Variants in ZNF420 observed in about 807,000 individuals in gnomAD.
ZNF420 encodes ATM and p53-associated KZNF protein.
A neutral mutation model predicts 44.7 loss-of-function variants in ZNF420; 31 were observed. That is an observed-to-expected ratio of 0.69 (90% confidence interval 0.52 to 0.94). The LOEUF (loss-of-function observed/expected upper bound fraction) is 0.94. Among genes scored for constraint, ZNF420 ranks in the 40% least tolerant of loss-of-function variants. The probability of loss-of-function intolerance (pLI) is 0.00; values close to 1 mark genes in which losing one functional copy is unlikely to be tolerated. For synonymous variants in ZNF420, 245 were observed against 267.4 expected (o/e 0.92, Z 0.82); for missense variants, 681 against 827.9 (o/e 0.82, Z 2.18).
upstream of ZNF420, among the ~76,000 whole-genome samples, chr19:37,075,697 GCA>G (rs1555753755): frequency 3.3e-5 from 5 of 151,996 alleles, no homozygotes; most frequent in Non-Finnish European, 7.4e-5. Flanking sequence ...AGCTGAGAGC[GCA>G]CCACTGCACT....
At chr19:37,054,510 A>T (rs369189940) in intron 1 of ZNF420, among the ~76,000 whole-genome samples, 1 of 152,134 alleles carries the variant, frequency 6.6e-6, no homozygotes, top group East Asian at 1.9e-4. Context: ...CACCGAACAA[A>T]TTTTTATTGT....
intron 1 of ZNF420, among the ~76,000 whole-genome samples, chr19:37,023,994 A>G (rs1599599818): frequency 2.0e-5 from 3 of 152,166 alleles, no homozygotes; most frequent in Admixed American, 2.0e-4. Flanking sequence ...GGGTTTTCAT[A>G]TGCCTCATGA....
At chr19:37,123,918 C>T (rs980776589) in intron 4 of ZNF420, among the ~76,000 whole-genome samples, 6 of 151,956 alleles carry the variant, frequency 3.9e-5, no homozygotes, top group South Asian at 2.1e-4. Flanking sequence ...TTAATCTTGT[C>T]TATATTTTTA....
rs36023046 is a variant in ZNF420 at position 37,110,190 on chromosome 19, G to A, written c.137-16938G>A. ...GGTTGTCCATATGAAATGTGAGTAA[G>A]TATCAACTGTTACATGAACACATGA... On this transcript the variant is annotated intron_variant, in intron 4 of 4. Coordinates refer to ENST00000337995, the MANE Select transcript of ZNF420 (RefSeq NM_144689.5). 6.2e-3 allele frequency among the ~76,000 whole-genome samples: 939 copies of A among 152,338 alleles called. 28 individuals are homozygous for A. The highest frequency in any genetic ancestry group is 0.05 in the East Asian group (257 of 5,188).
At chr19:37,085,818 A>G (rs922334892) in intron 2 of ZNF420, among the ~76,000 whole-genome samples, 1 of 151,062 alleles carries the variant, frequency 6.6e-6, no homozygotes, top group Non-Finnish European at 1.5e-5. Context: ...ACTGGAGTGT[A>G]GTGGCATGAT....
chr19:37,015,884 C>G (rs569580903), intron 1 of ZNF420, among the ~76,000 whole-genome samples: 1 of 152,218 alleles, frequency 6.6e-6, no homozygotes, highest in South Asian at 2.1e-4. Flanking sequence ...TGCGCGGGCT[C>G]TGGCCTCTTC....
chr19:37,024,443 G>GT (rs2074670325), intron 1 of ZNF420, among the ~76,000 whole-genome samples: 1 of 151,594 alleles, frequency 6.6e-6, no homozygotes, highest in African/African-American at 2.4e-5. Context: ...TTCACAAAGG[G>GT]ATTTTTTTGT....
At position 37,129,053 on chromosome 19, in the gene ZNF420, A is replaced by C. The variant is rs146441524; in HGVS notation, c.2062A>C (p.Met688Leu). ...IDFSHGSQVY[M>L] ...CTTTAGTCATGGCTCACAAGTTTAC[A>C]TGTGAATTGTCTGATTATTTGAGAT... The change falls in exon 5 of 5, where the codon ATG becomes CTG. Residue 688 changes from methionine (M) to leucine (L), a missense_variant. By Grantham distance (15) the Met-to-Leu change is conservative. Around this residue, in one of 3 missense-constraint regions of ZNF420, gnomAD observed 280 missense variants for 338.6 expected, o/e 0.83. Coordinates refer to ENST00000337995, the MANE Select transcript of ZNF420 (RefSeq NM_144689.5). 2.6e-5 allele frequency: 42 copies of C among 1,608,358 alleles called. No homozygotes were observed. The highest frequency in any genetic ancestry group is 1.6e-4 in the Middle Eastern group (1 of 6,066).
intron 2 of ZNF420, among the ~76,000 whole-genome samples, chr19:37,081,450 G>A (rs1968450368): frequency 6.6e-6 from 1 of 150,474 alleles, no homozygotes; most frequent in Non-Finnish European, 1.5e-5. Flanking sequence ...TCTTTACTGA[G>A]TTTTTATTTG....
intron 1 of ZNF420, among the ~76,000 whole-genome samples, chr19:37,068,281 A>G (rs970491717): frequency 6.6e-6 from 1 of 152,190 alleles, no homozygotes; most frequent in Non-Finnish European, 1.5e-5. Flanking sequence ...CTGAAGAAAG[A>G]ATAAAGGAAA....
At chr19:37,050,191 CA>C (rs776374987) in intron 1 of ZNF420, among the ~76,000 whole-genome samples, 16 of 152,240 alleles carry the variant, frequency 1.1e-4, no homozygotes, top group Non-Finnish European at 2.1e-4. Flanking sequence ...ATTGACTTGG[CA>C]ATGCGGGCTC....
chr19:37,080,497 C>G (rs2146481955), intron 2 of ZNF420, 109 bp downstream of exon 2: 1 of 152,642 alleles, frequency 6.6e-6, no homozygotes, highest in Non-Finnish European at 1.5e-5. Context: ...AGGGGCAAGG[C>G]AATTTTTGGT....
chr19:37,123,906 C>T (rs970692344), intron 4 of ZNF420, among the ~76,000 whole-genome samples: 2 of 152,078 alleles, frequency 1.3e-5, no homozygotes, highest in African/African-American at 4.8e-5. Context: ...CTGCGCCCAG[C>T]CTTAATCTTG....
At chr19:37,124,773 T>G (rs976842267) in intron 4 of ZNF420, among the ~76,000 whole-genome samples, 1 of 152,204 alleles carries the variant, frequency 6.6e-6, no homozygotes, top group African/African-American at 2.4e-5. Flanking sequence ...GTTCAAGTGA[T>G]TCTCCTGCCT....
chr19:37,059,592 C>T (rs979554316), intron 1 of ZNF420, among the ~76,000 whole-genome samples: 12 of 152,154 alleles, frequency 7.9e-5, no homozygotes, highest in Non-Finnish European at 1.8e-4. Context: ...AGCGGCGCGG[C>T]ATCCCAGGCT....
At chr19:37,033,759 T>G (rs1359968429) in intron 1 of ZNF420, among the ~76,000 whole-genome samples, 1 of 152,100 alleles carries the variant, frequency 6.6e-6, no homozygotes, top group African/African-American at 2.4e-5. Context: ...CCATTTTTAT[T>G]TATTTATTTA....
At chr19:37,049,027 C>G (rs1339121824) in intron 1 of ZNF420, among the ~76,000 whole-genome samples, 1 of 152,044 alleles carries the variant, frequency 6.6e-6, no homozygotes, top group Non-Finnish European at 1.5e-5. Flanking sequence ...TCATCCATGT[C>G]CCTACAAAGG....
chr19:37,062,711 T>A (rs907877100), intron 1 of ZNF420, among the ~76,000 whole-genome samples: 2 of 152,196 alleles, frequency 1.3e-5, no homozygotes, highest in South Asian at 4.1e-4. Context: ...AATAAGATAA[T>A]AAAATAAATA....
chr19:37,013,781 G>C (rs1224349576), intron 1 of ZNF420, among the ~76,000 whole-genome samples: 1 of 152,164 alleles, frequency 6.6e-6, no homozygotes, highest in East Asian at 1.9e-4. Context: ...GCCTTCTCTG[G>C]TTTCCAAAAT....
Sources: allele counts gnomAD v4.1 joint callset (sites outside exome capture counted in the v4.1 genomes callset), GRCh38; gene constraint gnomAD v4.1.1; regional missense constraint gnomAD v4.1.1; transcripts MANE v1.5; gene names NCBI Gene and HGNC (gene_info 2026-07-23, HGNC 2026-07-21).